ZNF48: variants seen among roughly 807,000 people sequenced by gnomAD.
ZNF48 encodes zinc finger protein 48, also known as zinc finger protein 553.
Under a neutral mutation model 40.0 loss-of-function variants are expected in ZNF48, and 20 were observed. The observed-to-expected ratio is 0.50, with a 90% confidence interval of 0.35 to 0.73. ZNF48 has a LOEUF of 0.73. ZNF48 is among the 30% of genes least tolerant of loss of function. The pLI, the probability that ZNF48 is intolerant of heterozygous loss-of-function variation, is 0.01. For missense variants in ZNF48, 726 were observed against 851.9 expected, an observed-to-expected ratio of 0.85 and a Z score of 1.84; for synonymous variants, 298 against 329.7, an observed-to-expected ratio of 0.90 and a Z score of 1.04.
At chr16:30,394,376 A>T (rs140831337), upstream of ZNF48, among the ~76,000 whole-genome samples, 119 of 152,298 alleles carry the variant, frequency 7.8e-4, no homozygotes, top group African/African-American at 2.8e-3. Flanking sequence ...AGACACCTCC[A>T]GACACTCTCT....
At position 30,395,656 on chromosome 16, in the gene ZNF48, C is replaced by A; in HGVS notation, c.-16+78C>A. The A allele has an allele frequency of 1.4e-6, 1 of 715,872 alleles. No homozygotes were observed. Among genetic ancestry groups the A allele is most frequent in the Non-Finnish European group, 1.8e-6 (1 of 541,048 alleles). 44.3% of individuals were successfully genotyped at this position (715,872 alleles called of 1,614,324 possible). ...CGGCGCGGGCAGGGGGCACCGGGAGCCGCGCCCGTACCTGGGACCCGACGC... is the reference window on the plus strand; with the variant it reads ...CGGCGCGGGCAGGGGGCACCGGGAGACGCGCCCGTACCTGGGACCCGACGC... On this transcript the variant is annotated intron_variant, in intron 1 of 2. Transcript: ENST00000613509. This position sits in a 1 kb window ranked among gnomAD's most constrained non-coding sequence, Gnocchi z 5.9.
At position 30,382,962 on chromosome 16, in the gene ZNF48, C is replaced by T. The variant is rs903766043; in HGVS notation, c.-16+4552C>T. ...GCGGAGGAGGGAGGACAGCTTGAGC[C>T]AAGGAGTTCCAGACCAGCCTGGGCA... On this transcript the variant is annotated intron_variant, in intron 1 of 2. Coordinates refer to the ZNF48 transcript ENST00000528032. The surrounding 1 kb of genome is among the most constrained non-coding windows in gnomAD (Gnocchi z 4.8). The T allele has an allele frequency of 4.6e-6, 3 of 648,582 alleles. No homozygotes were observed. Among genetic ancestry groups the T allele is most frequent in the Non-Finnish European group, 8.3e-6 (3 of 359,994 alleles). The allele number at this position is 648,582 out of a possible 1,614,324, so 40.2% of individuals were successfully genotyped here.
chr16:30,396,797 C>T (rs2049988588), intron 2 of ZNF48, among the ~76,000 whole-genome samples: 1 of 151,160 alleles, frequency 6.6e-6, no homozygotes, highest in Admixed American at 6.6e-5. Flanking sequence ...TCAAGTGATC[C>T]TCCTACCTCA....
At chr16:30,390,205 C>A (rs1597015311) in intron 1 of ZNF48, among the ~76,000 whole-genome samples, 1 of 151,980 alleles carries the variant, frequency 6.6e-6, no homozygotes, top group African/African-American at 2.4e-5. Flanking sequence ...ACTTCTATAT[C>A]TTTAGACATT....
intron 1 of ZNF48, among the ~76,000 whole-genome samples, chr16:30,386,581 G>A (rs1394118492): frequency 6.6e-6 from 1 of 152,138 alleles, no homozygotes; most frequent in East Asian, 1.9e-4. Flanking sequence ...GCTGAGGTGG[G>A]AGGATCGTCC....
Position 30,382,975 on chromosome 16 carries a change from A to G in ZNF48, c.-16+4565A>G. The G allele has an allele frequency of 1.6e-6, 1 of 629,214 alleles. No homozygotes were observed. 39.0% of individuals were successfully genotyped at this position (629,214 alleles called of 1,614,324 possible). On this transcript the variant is annotated intron_variant, in intron 1 of 2. Coordinates refer to the ZNF48 transcript ENST00000528032. This position sits in a 1 kb window ranked among gnomAD's most constrained non-coding sequence, Gnocchi z 4.8. The stretch of plus-strand genomic sequence containing the variant: ...GACAGCTTGAGCCAAGGAGTTCCAG[A>G]CCAGCCTGGGCAACAGAGGGACGTG...
intron 1 of ZNF48, among the ~76,000 whole-genome samples, chr16:30,387,133 C>T (rs959911540): frequency 2.0e-5 from 3 of 149,534 alleles, no homozygotes; most frequent in Admixed American, 6.7e-5. Flanking sequence ...TTAGTAGAGA[C>T]AGGGTTTCAC....
At chr16:30,385,446 G>A (rs953988794) in intron 1 of ZNF48, among the ~76,000 whole-genome samples, 2 of 151,882 alleles carry the variant, frequency 1.3e-5, no homozygotes, top group Non-Finnish European at 2.9e-5. Flanking sequence ...CCAACATGGT[G>A]AAACCCCGTC....
At chr16:30,391,423 C>A (rs2049941903), upstream of ZNF48, among the ~76,000 whole-genome samples, 1 of 151,586 alleles carries the variant, frequency 6.6e-6, no homozygotes, top group Non-Finnish European at 1.5e-5. Flanking sequence ...CCCCTGACCT[C>A]ATGATCCGCC....
At chr16:30,388,300 T>G (rs924225018) in intron 1 of ZNF48, among the ~76,000 whole-genome samples, 1 of 152,158 alleles carries the variant, frequency 6.6e-6, no homozygotes, top group Admixed American at 6.6e-5. Context: ...CTATGATACA[T>G]GCACATGTAC....
upstream of ZNF48, among the ~76,000 whole-genome samples, chr16:30,391,338 C>T (rs765999051): frequency 5.3e-5 from 8 of 150,032 alleles, no homozygotes; most frequent in South Asian, 2.1e-4. Flanking sequence ...TACAGGTGAG[C>T]ACCACCACCT....
chr16:30,379,271 C>T, intron 1 of ZNF48: 1 of 1,544,760 alleles, frequency 6.5e-7, no homozygotes, highest in Non-Finnish European at 8.9e-7. Flanking sequence ...GAAAGTCCTG[C>T]TGCCACTCTA....
chr16:30,379,189 G>T (rs745646718), intron 1 of ZNF48: 16 of 1,613,442 alleles, frequency 9.9e-6, no homozygotes, highest in Non-Finnish European at 1.2e-5. Context: ...CTCCACTGGA[G>T]GGGGGGCGGC....
chr16:30,395,982 C>T lies in ZNF48; in HGVS notation c.79+109C>T. 8.4e-7 allele frequency: 1 copy of T among 1,194,824 alleles called. No homozygotes were observed. Among genetic ancestry groups the T allele is most frequent in the Non-Finnish European group, 1.1e-6 (1 of 908,096 alleles). The allele number at this position is 1,194,824 out of a possible 1,614,324, so 74.0% of individuals were successfully genotyped here. A position where few individuals can be genotyped will look rare whatever the true frequency, so the allele number is the denominator to read the frequency against. On this transcript the variant is annotated intron_variant, in intron 2 of 2. Coordinates refer to ENST00000613509, the MANE Select transcript of ZNF48 (RefSeq NM_001214909.2). This position sits in a 1 kb window ranked among gnomAD's most constrained non-coding sequence, Gnocchi z 5.9. ...GGAAGATCGGACGTGAGCTGTGCCT[C>T]TGGGGAGATAGGGGGAGGGGAGCTT...
At chr16:30,393,692 T>C (rs1408207458), upstream of ZNF48, among the ~76,000 whole-genome samples, 1 of 151,944 alleles carries the variant, frequency 6.6e-6, no homozygotes, top group East Asian at 1.9e-4. Flanking sequence ...GCCGGGTCCA[T>C]ATAACTACCT....
In ZNF48 at chr16:30,399,833, C is replaced by G. The variant is rs1351696846; in HGVS notation, c.*726C>G. On this transcript the variant is annotated 3_prime_UTR_variant, in exon 3 of 3. Coordinates refer to ENST00000613509, the MANE Select transcript of ZNF48 (RefSeq NM_001214909.2). ...GAATAGACCAGAGACAGAAGGTGCT[C>G]TCATGGTATCCAGCCTGGATGCCAA... 2.0e-5 allele frequency: 3 copies of G among 152,310 alleles called. No individual in the cohort carries two copies. Among genetic ancestry groups the G allele is most frequent in the Non-Finnish European group, 4.4e-5 (3 of 68,108 alleles). 9.4% of individuals were successfully genotyped at this position (152,310 alleles called of 1,614,324 possible).
intron 1 of ZNF48, chr16:30,379,356 A>C: frequency 2.8e-6 from 4 of 1,453,728 alleles, no homozygotes; most frequent in Non-Finnish European, 3.8e-6. Context: ...GCCCACCCCA[A>C]CTTCACATGT....
chr16:30,378,632 A>G, intron 1 of ZNF48: 1 of 1,608,202 alleles, frequency 6.2e-7, no homozygotes, highest in Non-Finnish European at 8.5e-7. Context: ...CTCGCGGATC[A>G]GCTTCTCGGT....
At position 30,395,981 on chromosome 16, in the gene ZNF48, T is replaced by A; in HGVS notation, c.79+108T>A. The A allele has an allele frequency of 8.4e-7, 1 of 1,191,372 alleles. No individual in the cohort carries two copies. The highest frequency in any genetic ancestry group is 1.1e-6 in the Non-Finnish European group (1 of 905,022). The allele number at this position is 1,191,372 out of a possible 1,614,324, so 73.8% of individuals were successfully genotyped here. A position where few individuals can be genotyped will look rare whatever the true frequency, so the allele number is the denominator to read the frequency against. Reference sequence around the variant, plus strand: ...TGGAAGATCGGACGTGAGCTGTGCCTCTGGGGAGATAGGGGGAGGGGAGCT... The same window carrying A: ...TGGAAGATCGGACGTGAGCTGTGCCACTGGGGAGATAGGGGGAGGGGAGCT... On this transcript the variant is annotated intron_variant, in intron 2 of 2. Coordinates refer to ENST00000613509, the MANE Select transcript of ZNF48 (RefSeq NM_001214909.2). The surrounding 1 kb of genome is among the most constrained non-coding windows in gnomAD (Gnocchi z 5.9).
Sources: allele counts gnomAD v4.1 joint callset (sites outside exome capture counted in the v4.1 genomes callset), GRCh38; gene constraint gnomAD v4.1.1; non-coding constraint Gnocchi (gnomAD v3.1); transcripts MANE v1.5; gene names NCBI Gene and HGNC (gene_info 2026-07-23, HGNC 2026-07-21).